BBOF1: variants seen among roughly 807,000 people sequenced by gnomAD.
BBOF1 encodes basal body-orientation factor 1.
BBOF1 carries 62 observed loss-of-function variants against 68.0 expected under a neutral mutation model. That is an observed-to-expected ratio of 0.91 (90% CI 0.74 to 1.13). The LOEUF is 1.13. Among genes scored for constraint, BBOF1 ranks in the 50% most tolerant of loss-of-function variants. The probability of loss-of-function intolerance (pLI) is 0.00; values close to 1 mark genes in which losing one functional copy is unlikely to be tolerated. For synonymous variants in BBOF1, 208 were observed against 198.8 expected (o/e 1.05, Z -0.39); for missense variants, 534 against 600.1 (o/e 0.89, Z 1.15).
At position 74,022,016 on chromosome 14, in the gene BBOF1, G is replaced by A. The variant is rs1238469645; in HGVS notation, c.57-900G>A. ...ATGCAGAAACTGAACAGAGATAATG[G>A]GTTTGCAGTGGAGAGAACCAAAGTC... On this transcript the variant is annotated intron_variant, in intron 1 of 11. Transcript: ENST00000394009. Among the ~76,000 whole-genome samples, 4 of 152,110 alleles carry A rather than the reference G, an allele frequency of 2.6e-5. No individual in the cohort carries two copies. The East Asian group carries it at 5.8e-4, about 22-fold the overall frequency.
intron 5 of BBOF1, among the ~76,000 whole-genome samples, chr14:74,042,887 C>CAG (rs1267545601): frequency 1.4e-5 from 2 of 145,354 alleles, no homozygotes; most frequent in East Asian, 1.9e-4. Flanking sequence ...CAGACACACA[C>CAG]ACACACACAC....
intron 12 of BBOF1, among the ~76,000 whole-genome samples, chr14:74,082,393 G>GTTTTTT (rs869211328): frequency 3.9e-5 from 3 of 77,568 alleles, no homozygotes; most frequent in African/African-American, 5.2e-5. Context: ...CAAAATCGAG[G>GTTTTTT]TTTTTTTTTT....
downstream of BBOF1, among the ~76,000 whole-genome samples, chr14:74,068,012 A>G (rs1479665758): frequency 1.3e-5 from 2 of 151,676 alleles, no homozygotes; most frequent in Non-Finnish European, 2.9e-5. Context: ...AAAAAAAAAA[A>G]AAGAACTTAC....
intron 8 of BBOF1, among the ~76,000 whole-genome samples, chr14:74,050,890 CT>C (rs2060052026): frequency 1.3e-5 from 2 of 151,832 alleles, no homozygotes; most frequent in Admixed American, 1.3e-4. Context: ...GGATGGATCA[CT>C]TAAGGCCAGG....
At position 74,050,179 on chromosome 14, in the gene BBOF1, C is replaced by G. The variant is rs1321783465; in HGVS notation, c.1270C>G (p.Leu424Val). 2 of 1,543,028 alleles carry G rather than the reference C, an allele frequency of 1.3e-6. No homozygotes were observed. Among genetic ancestry groups the G allele is most frequent in the Non-Finnish European group, 1.7e-6 (2 of 1,146,084 alleles). Residue 424 changes from leucine (L) to valine (V), a missense_variant, in exon 8 of 12, where the codon CTG (leucine) becomes GTG (valine). By Grantham distance (32) the Leu-to-Val change is conservative. Coordinates refer to ENST00000394009, the MANE Select transcript of BBOF1 (RefSeq NM_025057.3). ...CACCAATAGTGTGAATCAGGATCTT[C>G]TGGAGGCCGAAAAATGGTACTAGCA... ...HSTNSVNQDLLEAEKWTHIEG... is the reference protein window; with the variant it reads ...HSTNSVNQDLVEAEKWTHIEG...
rs764916322 is a variant in BBOF1, at chr14:74,062,725, T to C, written c.1579-1963T>C. On this transcript the variant is annotated intron_variant, in intron 11 of 11. Transcript: ENST00000394009. ...ACTGTCATAATGCTATGCAATCCCA[T>C]TGTTAATTTTTTAATAACCCAAACA... Among the ~76,000 whole-genome samples, 21 of 152,190 alleles carry C rather than the reference T, an allele frequency of 1.4e-4. 1 individual carries two copies. Among genetic ancestry groups the C allele is most frequent in the African/African-American group, 1.9e-4 (8 of 41,440 alleles).
At chr14:74,057,097 ATG>A in intron 10 of BBOF1, 45 bp from the exon 11 acceptor site, 1 of 1,601,230 alleles carries the variant, frequency 6.2e-7, no homozygotes, top group Admixed American at 1.7e-5. Context: ...ACCAGGTTTC[ATG>A]TGTGTAGAGT....
chr14:74,053,985 C>T (rs755962054), intron 8 of BBOF1, among the ~76,000 whole-genome samples: 6 of 152,112 alleles, frequency 3.9e-5, no homozygotes, highest in Non-Finnish European at 8.8e-5. Context: ...AGCCATTCTC[C>T]TGCCTCAGCC....
intron 4 of BBOF1, among the ~76,000 whole-genome samples, chr14:74,038,446 A>G (rs570954925): frequency 6.6e-6 from 1 of 152,344 alleles, no homozygotes; most frequent in African/African-American, 2.4e-5. Flanking sequence ...GTGGAGAAAT[A>G]GATTTCAGAC....
At chr14:74,057,294 G>C in intron 11 of BBOF1, 36 bp downstream of exon 11, 1 of 1,613,736 alleles carries the variant, frequency 6.2e-7, no homozygotes, top group Non-Finnish European at 8.5e-7. Flanking sequence ...AATGTATATT[G>C]TTGTCACCCT....
At chr14:74,076,511 G>A (rs2060614625) in intron 9 of BBOF1, among the ~76,000 whole-genome samples, 1 of 151,896 alleles carries the variant, frequency 6.6e-6, no homozygotes, top group Non-Finnish European at 1.5e-5. Context: ...ATAGGTGTCT[G>A]CCACCACGCC....
chr14:74,028,467 TACACAC>T (rs34677110), intron 2 of BBOF1, among the ~76,000 whole-genome samples: 2,818 of 138,190 alleles, frequency 0.02, 46 homozygotes, highest in African/African-American at 0.038. Context: ...ACTAAAGAAA[TACACAC>T]ACACACACAC....
chr14:74,060,497 T>G (rs2060315402), intron 11 of BBOF1: 4 of 712,698 alleles, frequency 5.6e-6, no homozygotes, highest in Non-Finnish European at 1.0e-5. Context: ...ATAGAAACTT[T>G]GCGGGGGTTA....
At chr14:74,035,298 A>G (rs56171007) in intron 4 of BBOF1, among the ~76,000 whole-genome samples, 15,374 of 152,046 alleles carry the variant, frequency 0.1, 840 homozygotes, top group South Asian at 0.18. Flanking sequence ...CAAAGGCTTC[A>G]GTCATCTATC....
At chr14:74,062,051 GAAAAAAAAAAAAA>G (rs369414700) in intron 11 of BBOF1, among the ~76,000 whole-genome samples, 3,811 of 59,712 alleles carry the variant, frequency 0.064, 204 homozygotes, top group African/African-American at 0.18. Context: ...TCTCTACTGG[GAAAAAAAAAAAAA>G]AAAAAAAAAA....
chr14:74,065,045 C>G lies in BBOF1; in HGVS notation c.*346C>G. On this transcript the variant is annotated 3_prime_UTR_variant, in exon 12 of 12. Transcript: ENST00000394009. ...CCCTATCCTCTACCCCATGAACTTTCATTCCTGAGGAAGAAATGGGGCAAT... is the reference window on the plus strand; with the variant it reads ...CCCTATCCTCTACCCCATGAACTTTGATTCCTGAGGAAGAAATGGGGCAAT... 1 of 1,394,596 alleles carries G rather than the reference C, an allele frequency of 7.2e-7. No homozygotes were observed. The highest frequency in any genetic ancestry group is 1.0e-6 in the Non-Finnish European group (1 of 997,422). The allele number at this position is 1,394,596 out of a possible 1,614,324, so 86.4% of individuals were successfully genotyped here. A position where few individuals can be genotyped will look rare whatever the true frequency, so the allele number is the denominator to read the frequency against.
chr14:74,076,633 T>C (rs978685903), intron 9 of BBOF1, among the ~76,000 whole-genome samples: 18 of 152,266 alleles, frequency 1.2e-4, no homozygotes, highest in African/African-American at 4.3e-4. Flanking sequence ...ACCTCCTGGG[T>C]TCAAGCTTTT....
chr14:74,031,655 A>G (rs7161293), intron 3 of BBOF1: 60,228 of 151,848 alleles, frequency 0.4, 12,709 homozygotes, highest in East Asian at 0.84. Context: ...CTTACTTTTG[A>G]CAGAGAGAGA....
intron 4 of BBOF1, among the ~76,000 whole-genome samples, chr14:74,040,317 G>T (rs1254327009): frequency 1.3e-5 from 2 of 152,120 alleles, no homozygotes; most frequent in Non-Finnish European, 2.9e-5. Context: ...ATCATTGACT[G>T]CAGTTATCTG....
Sources: allele counts gnomAD v4.1 joint callset (sites outside exome capture counted in the v4.1 genomes callset), GRCh38; gene constraint gnomAD v4.1.1; transcripts MANE v1.5; gene names NCBI Gene and HGNC (gene_info 2026-07-23, HGNC 2026-07-21).